The following CSMD1 variants were observed in gnomAD, a reference collection of about 807,000 sequenced individuals.
The protein encoded by CSMD1 is CUB and Sushi multiple domains 1.
In CSMD1, 213 loss-of-function variants were observed where a neutral mutation model predicts 417.5. The ratio of observed to expected loss-of-function variants is 0.51; its 90% CI spans 0.46 to 0.57. The LOEUF (loss-of-function observed/expected upper bound fraction) is 0.57, where lower values mean the gene tolerates loss of function less well. Among genes scored for constraint, CSMD1 ranks in the 20% least tolerant of loss-of-function variants. The pLI is 0.00. For synonymous variants in CSMD1, 2,862 were observed against 1,736.8 expected (o/e 1.65, Z -16.11); for missense variants, 6,923 against 4,529.7 (o/e 1.53, Z -15.17).
At chr8:4,063,768 C>G (rs191954307) in intron 3 of CSMD1, among the ~76,000 whole-genome samples, 1 of 152,254 alleles carries the variant, frequency 6.6e-6, no homozygotes, top group East Asian at 1.9e-4. Context: ...AATTTCATAT[C>G]TACTTCTTCA....
intron 2 of CSMD1, among the ~76,000 whole-genome samples, chr8:4,540,214 T>G (rs972589478): frequency 8.5e-5 from 13 of 152,210 alleles, no homozygotes; most frequent in Admixed American, 2.0e-4. Flanking sequence ...TGCTTTAAAC[T>G]GCTGCTGGTT....
intron 17 of CSMD1, among the ~76,000 whole-genome samples, chr8:3,389,373 T>G (rs1397019930): frequency 1.3e-5 from 2 of 152,116 alleles, no homozygotes; most frequent in Non-Finnish European, 2.9e-5. Context: ...CGGCGTTTGG[T>G]TGCCTGTTGC....
At chr8:3,475,610 G>A (rs1585219645) in intron 11 of CSMD1, among the ~76,000 whole-genome samples, 3 of 152,128 alleles carry the variant, frequency 2.0e-5, no homozygotes, top group Admixed American at 2.0e-4. Flanking sequence ...CCAACCTGAA[G>A]GAACTCTTCA....
intron 26 of CSMD1, among the ~76,000 whole-genome samples, chr8:3,258,295 G>C (rs1013114466): frequency 1.3e-5 from 2 of 152,134 alleles, no homozygotes; most frequent in African/African-American, 2.4e-5. Context: ...GACATGAACA[G>C]ACACTTTTTA....
chr8:4,336,760 A>G (rs1800198193), intron 3 of CSMD1, among the ~76,000 whole-genome samples: 1 of 152,070 alleles, frequency 6.6e-6, no homozygotes, highest in Non-Finnish European at 1.5e-5. Context: ...TGGATCCACA[A>G]TGGGCAAAGC....
chr8:4,845,746 G>A (rs573619774), intron 1 of CSMD1, among the ~76,000 whole-genome samples: 2 of 152,312 alleles, frequency 1.3e-5, no homozygotes, highest in South Asian at 4.1e-4. Flanking sequence ...ACTGGCCGGT[G>A]CTCAGGGAGC....
intron 29 of CSMD1, among the ~76,000 whole-genome samples, chr8:3,216,069 A>G (rs1033011457): frequency 4.0e-5 from 6 of 149,260 alleles, no homozygotes. Flanking sequence ...TATATATATA[A>G]GTTTTCTCAT....
chr8:4,057,482 T>C (rs576356043), intron 3 of CSMD1, among the ~76,000 whole-genome samples: 67 of 152,294 alleles, frequency 4.4e-4, no homozygotes, highest in African/African-American at 1.5e-3. Context: ...ATTTTGTAGG[T>C]TGCCTGTTCA....
At chr8:3,600,550 G>A (rs928612433) in intron 8 of CSMD1, among the ~76,000 whole-genome samples, 7 of 152,246 alleles carry the variant, frequency 4.6e-5, no homozygotes, top group Admixed American at 4.6e-4. Flanking sequence ...CTGGGGATAG[G>A]GTGCTCCCAT....
intron 3 of CSMD1, among the ~76,000 whole-genome samples, chr8:4,045,162 G>T (rs1338782070): frequency 6.6e-6 from 1 of 152,138 alleles, no homozygotes; most frequent in African/African-American, 2.4e-5. Context: ...ACGCAGTCGT[G>T]GGCTGGGGTA....
At chr8:3,830,349 T>A (rs1477774431) in intron 5 of CSMD1, among the ~76,000 whole-genome samples, 1 of 152,228 alleles carries the variant, frequency 6.6e-6, no homozygotes, top group Non-Finnish European at 1.5e-5. Flanking sequence ...TTGGTTCACA[T>A]CTCTGCTCAG....
intron 10 of CSMD1, among the ~76,000 whole-genome samples, chr8:3,536,793 AC>A (rs1271756987): frequency 6.6e-6 from 1 of 152,200 alleles, no homozygotes; most frequent in East Asian, 1.9e-4. Flanking sequence ...TCTCTTCAGC[AC>A]CGGGAATGCT....
rs368810432 is a variant in CSMD1 at position 4,671,051 on chromosome 8, G to C, written c.86-33493C>G. ...TTATCCACTAATAATTCTCAACACAGTCATTGCAAATATTACAAAGCAGAA... is the reference window on the plus strand; with the variant it reads ...TTATCCACTAATAATTCTCAACACACTCATTGCAAATATTACAAAGCAGAA... On this transcript the variant is annotated intron_variant, in intron 1 of 69. Transcript: ENST00000635120. 3.3e-5 allele frequency among the ~76,000 whole-genome samples: 5 copies of C among 152,188 alleles called. 1 individual carries two copies. The highest frequency in any genetic ancestry group is 1.2e-4 in the African/African-American group (5 of 41,446).
rs143933213 is a variant in CSMD1 at position 3,575,078 on chromosome 8, T to G, written c.1223-12A>C. 1.2e-6 allele frequency: 2 copies of G among 1,610,904 alleles called. No homozygotes were observed. Among genetic ancestry groups the G allele is most frequent in the Non-Finnish European group, 1.7e-6 (2 of 1,178,678 alleles). ...TCCACATGTTCTCGCTGGAAACACA[T>G]AGAAACGACGTTATTTTCTACAACA... On this transcript the variant is annotated splice_polypyrimidine_tract_variant and intron_variant, in intron 9 of 69. Transcript: ENST00000635120.
chr8:3,835,176 T>G (rs1802607122), intron 5 of CSMD1, among the ~76,000 whole-genome samples: 1 of 148,552 alleles, frequency 6.7e-6, no homozygotes, highest in Admixed American at 6.6e-5. Flanking sequence ...CTCAGGGATC[T>G]AGAACTAGAA....
intron 3 of CSMD1, among the ~76,000 whole-genome samples, chr8:4,062,830 G>C (rs1370642622): frequency 2.0e-5 from 3 of 151,642 alleles, no homozygotes; most frequent in African/African-American, 4.8e-5. Context: ...TTAGGTCTTT[G>C]TGTGTCAAAA....
intron 3 of CSMD1, among the ~76,000 whole-genome samples, chr8:4,372,331 A>T (rs983884993): frequency 4.6e-5 from 7 of 152,194 alleles, no homozygotes; most frequent in South Asian, 2.1e-4. Flanking sequence ...GGTAGCATTA[A>T]AAGTGAAGGA....
intron 10 of CSMD1, among the ~76,000 whole-genome samples, chr8:3,497,521 C>T (rs527287549): frequency 1.3e-5 from 2 of 152,174 alleles, no homozygotes; most frequent in African/African-American, 2.4e-5. Context: ...TCTCATGTCT[C>T]ACCCTTCTAG....
intron 7 of CSMD1, among the ~76,000 whole-genome samples, chr8:3,626,469 C>G (rs879725798): frequency 7.2e-5 from 11 of 152,012 alleles, no homozygotes; most frequent in African/African-American, 1.7e-4. Context: ...GGGAAAAAGT[C>G]TTAAAGTCGT....
Sources: allele counts gnomAD v4.1 joint callset (sites outside exome capture counted in the v4.1 genomes callset), GRCh38; gene constraint gnomAD v4.1.1; transcripts MANE v1.5; gene names NCBI Gene and HGNC (gene_info 2026-07-23, HGNC 2026-07-21).